The following LARGE1 variants were observed in gnomAD, a reference collection of about 807,000 sequenced individuals.
LARGE1 encodes LARGE xylosyl- and glucuronyltransferase 1.
A neutral mutation model predicts 87.6 loss-of-function variants in LARGE1; 43 were observed. The observed-to-expected ratio is 0.49, with a 90% CI of 0.38 to 0.63. The LOEUF is 0.63. Among genes scored for constraint, LARGE1 ranks in the 30% least tolerant of loss-of-function variants. The pLI, the probability that LARGE1 is intolerant of heterozygous loss-of-function variation, is 0.00. For missense variants in LARGE1, 802 were observed against 1,000.2 expected (o/e 0.80, Z 2.67); for synonymous variants, 434 against 394.6 (o/e 1.10, Z -1.18).
intron 1 of LARGE1, among the ~76,000 whole-genome samples, chr22:33,771,550 T>C (rs1161401128): frequency 6.6e-6 from 1 of 152,180 alleles, no homozygotes; most frequent in Non-Finnish European, 1.5e-5. Flanking sequence ...ATGATAAATT[T>C]TAGGGGTATT....
At chr22:33,119,505 C>T in the LARGE1 span, among the ~76,000 whole-genome samples, 2 of 152,044 alleles carry the variant, frequency 1.3e-5, no homozygotes, top group East Asian at 1.9e-4. Flanking sequence ...AGTAGGGTGG[C>T]GGCATGGGGT....
chr22:33,310,554 T>C (rs969857122), intron 11 of LARGE1, among the ~76,000 whole-genome samples: 1 of 152,016 alleles, frequency 6.6e-6, no homozygotes, highest in Non-Finnish European at 1.5e-5. Flanking sequence ...CGTACGGGAG[T>C]GCGAAGGCCG....
In LARGE1 at chr22:33,718,230, A is replaced by G. The variant is rs146764937; in HGVS notation, c.106+43141T>C. Among the ~76,000 whole-genome samples, 13 of 152,348 alleles carry G rather than the reference A, an allele frequency of 8.5e-5. No homozygotes were observed. The East Asian group carries it at 2.5e-3, about 29-fold the overall frequency. On this transcript the variant is annotated intron_variant, in intron 2 of 14. Coordinates refer to ENST00000397394, the MANE Select transcript of LARGE1 (RefSeq NM_133642.5). The stretch of plus-strand genomic sequence containing the variant: ...GGATCAATACCAACAGGCTGACCAA[A>G]GAAGAGGCCCATCCTCCTGCTCTGA...
intron 2 of LARGE1, among the ~76,000 whole-genome samples, chr22:33,684,118 G>A (rs530844254): frequency 4.6e-5 from 7 of 152,244 alleles, no homozygotes; most frequent in East Asian, 1.9e-4. Flanking sequence ...ATTTAGTACC[G>A]AACGTGCTTG....
chr22:33,837,766 A>G (rs1338494520), intron 1 of LARGE1, among the ~76,000 whole-genome samples: 3 of 152,212 alleles, frequency 2.0e-5, no homozygotes, highest in Non-Finnish European at 2.9e-5. Flanking sequence ...CTCTGCCCCA[A>G]ATGAGCCTCA....
At chr22:33,084,647 C>G in the LARGE1 span, among the ~76,000 whole-genome samples, 1 of 151,994 alleles carries the variant, frequency 6.6e-6, no homozygotes, top group African/African-American at 2.4e-5. Flanking sequence ...AGAGTGAGAC[C>G]TGGTCTCAAA....
At chr22:33,555,316 G>C (rs1569265505) in intron 6 of LARGE1, among the ~76,000 whole-genome samples, 1 of 152,066 alleles carries the variant, frequency 6.6e-6, no homozygotes, top group Non-Finnish European at 1.5e-5. Flanking sequence ...CTGTATCCTG[G>C]TACCTGGGTC....
Position 33,866,256 on chromosome 22 carries a change from T to C in LARGE1, c.-83+53739A>G, listed in dbSNP as rs552030887. Among the ~76,000 whole-genome samples, 4 of 152,322 alleles carry C rather than the reference T, an allele frequency of 2.6e-5. 1 individual carries two copies. Among genetic ancestry groups the C allele is most frequent in the African/African-American group, 9.6e-5 (4 of 41,576 alleles). ...CTGGGATTATAGGTATGAGCCACTG[T>C]ACCCAGCCTGTTGTTCTTTAGAGAC... On this transcript the variant is annotated intron_variant, in intron 1 of 14. Coordinates refer to ENST00000397394, the MANE Select transcript of LARGE1 (RefSeq NM_133642.5).
At chr22:33,915,820 A>C (rs78552645) in intron 1 of LARGE1, among the ~76,000 whole-genome samples, 2,441 of 152,240 alleles carry the variant, frequency 0.016, 52 homozygotes, top group African/African-American at 0.055. Context: ...GGCACATCCC[A>C]CCTTCCAGCC....
chr22:33,734,062 T>A (rs2083565375), intron 2 of LARGE1, among the ~76,000 whole-genome samples: 1 of 152,188 alleles, frequency 6.6e-6, no homozygotes, highest in South Asian at 2.1e-4. Context: ...TCTAGTAACC[T>A]CAGGAGTCCT....
chr22:33,625,509 C>G (rs2079893801), intron 4 of LARGE1, among the ~76,000 whole-genome samples: 1 of 152,142 alleles, frequency 6.6e-6, no homozygotes, highest in Admixed American at 6.5e-5. Flanking sequence ...TAAGGCAGGA[C>G]TTTTTTACAG....
At chr22:33,567,597 G>T (rs1287799767) in intron 5 of LARGE1, among the ~76,000 whole-genome samples, 2 of 152,002 alleles carry the variant, frequency 1.3e-5, no homozygotes, top group Non-Finnish European at 2.9e-5. Context: ...TAAAGGTCAT[G>T]ATTTCTTTTT....
chr22:33,404,162 T>C (rs1258962131), intron 7 of LARGE1, among the ~76,000 whole-genome samples: 4 of 152,022 alleles, frequency 2.6e-5, no homozygotes, highest in African/African-American at 9.7e-5. Flanking sequence ...TGTGGTGAAA[T>C]TTTCAACCAG....
chr22:33,191,205 G>T (rs137411), intron 11 of LARGE1, among the ~76,000 whole-genome samples: 95,500 of 152,040 alleles, frequency 0.63, 30,467 homozygotes, highest in African/African-American at 0.71. Flanking sequence ...ACATAAAATA[G>T]AGAGTTAAAG....
intron 3 of LARGE1, among the ~76,000 whole-genome samples, chr22:33,647,907 G>A (rs147954905): frequency 0.011 from 1,704 of 152,108 alleles, 17 homozygotes; most frequent in Non-Finnish European, 0.016. Flanking sequence ...ACAGATGCGC[G>A]CCACCACATC....
chr22:33,890,214 A>G (rs1004946482), intron 1 of LARGE1, among the ~76,000 whole-genome samples: 2 of 152,172 alleles, frequency 1.3e-5, no homozygotes, highest in African/African-American at 4.8e-5. Context: ...TTTCTCCCCT[A>G]CCCAGCCCTG....
intron 1 of LARGE1, among the ~76,000 whole-genome samples, chr22:33,832,432 C>G (rs2062997038): frequency 6.6e-6 from 1 of 152,178 alleles, no homozygotes; most frequent in Non-Finnish European, 1.5e-5. Context: ...GCCCATGGGA[C>G]AAACTCGAGC....
intron 3 of LARGE1, among the ~76,000 whole-genome samples, chr22:33,639,877 G>A (rs1485133701): frequency 6.6e-6 from 1 of 152,238 alleles, no homozygotes; most frequent in African/African-American, 2.4e-5. Flanking sequence ...GCAAGAATAA[G>A]ACAGGCAGCT....
At chr22:33,323,797 T>C (rs5998874) in intron 10 of LARGE1, among the ~76,000 whole-genome samples, 12 of 152,328 alleles carry the variant, frequency 7.9e-5, no homozygotes, top group African/African-American at 2.4e-4. Flanking sequence ...TAAAACTGCT[T>C]TGTGAACTGT....
Sources: gnomAD v4.1 joint callset for allele counts (sites outside exome capture counted in the v4.1 genomes callset) on GRCh38, gnomAD v4.1.1 for gene constraint, MANE v1.5 for transcripts, NCBI Gene and HGNC (gene_info 2026-07-23, HGNC 2026-07-21) for gene names.